Variants in LIFR observed in about 807,000 individuals in gnomAD.
LIFR encodes the protein LIF receptor subunit alpha, also known as leukemia inhibitory factor receptor.
A neutral mutation model predicts 122.2 loss-of-function variants in LIFR; 84 were observed. That is an observed-to-expected ratio of 0.69 (90% CI 0.58 to 0.82). The LOEUF is 0.82. LIFR is among the 40% of genes least tolerant of loss of function. The pLI is 0.00. For synonymous variants in LIFR, 422 were observed against 434.7 expected (o/e 0.97, Z 0.36); for missense variants, 1,294 against 1,311.6 (o/e 0.99, Z 0.21).
intron 1 of LIFR, among the ~76,000 whole-genome samples, chr5:38,572,235 G>A (rs1462503616): frequency 1.3e-5 from 2 of 152,058 alleles, no homozygotes; most frequent in South Asian, 4.1e-4. Context: ...GTGACCTTAG[G>A]AAGCTTCCAA....
chr5:38,510,212 A>C (rs1285317976), intron 7 of LIFR, among the ~76,000 whole-genome samples: 3 of 152,230 alleles, frequency 2.0e-5, no homozygotes, highest in Non-Finnish European at 4.4e-5. Context: ...AAACATTAGA[A>C]GCTAGATGTT....
Position 38,490,164 on chromosome 5 carries a change from TATA to T in LIFR, c.2167+23_2167+25del, listed in dbSNP as rs757530350. Reference sequence around the variant, plus strand: ...AATTTCTCATGTTGCCTTGAGCTCTTATAAATAAGTACCCATTTAACTTACCCA... The same window carrying T: ...AATTTCTCATGTTGCCTTGAGCTCTTAATAAGTACCCATTTAACTTACCCA... On this transcript the variant is annotated intron_variant, in intron 15 of 19. Coordinates refer to ENST00000453190, the MANE Select transcript of LIFR (RefSeq NM_001127671.2). 5 of 1,021,782 alleles carry T rather than the reference TATA, an allele frequency of 4.9e-6. No individual in the cohort carries two copies. In the South Asian group the frequency reaches 5.6e-5, roughly 12 times the overall value. The allele number at this position is 1,021,782 out of a possible 1,614,324, so 63.3% of individuals were successfully genotyped here.
chr5:38,587,292 A>T (rs193233220), intron 1 of LIFR, among the ~76,000 whole-genome samples: 2 of 152,270 alleles, frequency 1.3e-5, no homozygotes, highest in Admixed American at 1.3e-4. Context: ...CCTAACCTAG[A>T]CAGGGATGGG....
chr5:38,524,029 G>A lies in LIFR; in HGVS notation c.398-447C>T, dbSNP rs192449710. 4.5e-3 allele frequency among the ~76,000 whole-genome samples: 686 copies of A among 152,312 alleles called. 9 individuals carry two copies. The highest frequency in any genetic ancestry group is 3.6e-3 in the Non-Finnish European group (244 of 68,032). ...TTCCACAGTACTCTAGTGTCATTTA[G>A]TCAGGAACCTACAGGTAGGCAACAT... On this transcript the variant is annotated intron_variant, in intron 4 of 19. Transcript: ENST00000453190.
intron 2 of LIFR, 31 bp downstream of exon 2, chr5:38,530,475 T>C (rs753069660): frequency 2.5e-6 from 4 of 1,587,890 alleles, no homozygotes; most frequent in Non-Finnish European, 3.5e-6. Context: ...AACTGCAATC[T>C]GTTCATTCTC....
intron 11 of LIFR, among the ~76,000 whole-genome samples, chr5:38,502,312 C>T (rs112223604): frequency 1.3e-5 from 2 of 151,904 alleles, no homozygotes; most frequent in African/African-American, 4.8e-5. Context: ...GGCTGGAGTG[C>T]AATGGCGCAA....
rs142786409 is a variant in LIFR, at chr5:38,483,121, T to G, written c.2592-454A>C. On this transcript the variant is annotated intron_variant, in intron 18 of 19. Coordinates refer to ENST00000453190, the MANE Select transcript of LIFR (RefSeq NM_001127671.2). The stretch of plus-strand genomic sequence containing the variant: ...ACCAAAAACTAAATGCAGCCAAAAA[T>G]GAGATTTGCCTTTACCGAGGTGGTC... 6.0e-3 allele frequency among the ~76,000 whole-genome samples: 911 copies of G among 152,216 alleles called. 3 individuals are homozygous for G. The highest frequency in any genetic ancestry group is 0.02 in the African/African-American group (821 of 41,512).
At chr5:38,523,360 T>C in intron 5 of LIFR, 59 bp downstream of exon 5, 1 of 1,451,416 alleles carries the variant, frequency 6.9e-7, no homozygotes, top group South Asian at 1.2e-5. Context: ...TAAGGCTTCT[T>C]AAAAAAAATT....
chr5:38,530,458 G>A (rs368675060), intron 2 of LIFR, 48 bp downstream of exon 2: 127 of 1,543,036 alleles, frequency 8.2e-5, no homozygotes, highest in Non-Finnish European at 1.0e-4. Context: ...CATCAAAATG[G>A]AAATAAAACT....
At position 38,496,534 on chromosome 5, in the gene LIFR, T is replaced by C. The variant is rs1404200806; in HGVS notation, c.1733A>G (p.Asp578Gly). The change falls in exon 13 of 20, where the codon GAT (aspartate) becomes GGT (glycine). Residue 578 changes from aspartate (D) to glycine (G), a missense_variant. By Grantham distance (94) the Asp-to-Gly change is moderately conservative. Coordinates refer to ENST00000453190, the MANE Select transcript of LIFR (RefSeq NM_001127671.2). ...TTCAGAAAGGGACTGTGTTTCCTCA[T>C]CTGATGAACACGATACATTGTAGGA... is the stretch of plus-strand genomic sequence containing the variant. ...ILSYNVSCSS[D>G]EETQSLSEIP... is the part of the protein sequence containing the mutation. 6.2e-7 allele frequency: 1 copy of C among 1,613,808 alleles called. No homozygotes were observed. The highest frequency in any genetic ancestry group is 8.5e-7 in the Non-Finnish European group (1 of 1,179,802).
rs759618667 is a variant in LIFR at position 38,483,561 on chromosome 5, C to T, written c.2592-894G>A. On this transcript the variant is annotated intron_variant, in intron 18 of 19. Coordinates refer to ENST00000453190, the MANE Select transcript of LIFR (RefSeq NM_001127671.2). ...CTCAGCCTCCTAGCCTCCTAAGTAG[C>T]TGGGATTACAGGCACGTGCCACTAT... Among the ~76,000 whole-genome samples, 78 of 152,104 alleles carry T rather than the reference C, an allele frequency of 5.1e-4. 1 individual carries two copies. In the Middle Eastern group the frequency reaches 0.024, roughly 46 times the overall value.
chr5:38,526,139 G>A (rs1370182221), intron 4 of LIFR, among the ~76,000 whole-genome samples: 2 of 152,190 alleles, frequency 1.3e-5, no homozygotes, highest in African/African-American at 4.8e-5. Context: ...ACAGACATGT[G>A]AGGACAATGT....
chr5:38,517,808 G>C (rs994726693), intron 5 of LIFR, among the ~76,000 whole-genome samples: 1 of 119,062 alleles, frequency 8.4e-6, no homozygotes, highest in Admixed American at 1.2e-4. Flanking sequence ...AGTGAGCCGA[G>C]ATCATGCCAC....
chr5:38,483,430 T>G (rs1387933170), intron 18 of LIFR, among the ~76,000 whole-genome samples: 1 of 152,150 alleles, frequency 6.6e-6, no homozygotes, highest in Admixed American at 6.5e-5. Flanking sequence ...TTTTGTTTTT[T>G]TGGTTTTTTT....
chr5:38,569,005 C>T (rs372409689), intron 1 of LIFR, among the ~76,000 whole-genome samples: 26 of 152,290 alleles, frequency 1.7e-4, no homozygotes, highest in African/African-American at 6.3e-4. Flanking sequence ...TCATTGATGC[C>T]ACCATCCCAG....
chr5:38,514,323 A>G (rs2112508056), intron 5 of LIFR, among the ~76,000 whole-genome samples: 1 of 152,250 alleles, frequency 6.6e-6, no homozygotes, highest in East Asian at 1.9e-4. Context: ...TGTCCAGAAG[A>G]ACAGATAAAG....
At chr5:38,492,815 A>G (rs1253299971) in intron 14 of LIFR, among the ~76,000 whole-genome samples, 3 of 152,184 alleles carry the variant, frequency 2.0e-5, no homozygotes, top group African/African-American at 7.2e-5. Context: ...ACTACTGACA[A>G]GCTACAGGGT....
intron 10 of LIFR, 86 bp from the exon 11 acceptor site, chr5:38,502,885 T>C (rs1002024902): frequency 1.3e-6 from 1 of 758,846 alleles, no homozygotes; most frequent in Admixed American, 3.4e-5. Flanking sequence ...ATACACTTTT[T>C]TTTGGTAAGA....
intron 1 of LIFR, among the ~76,000 whole-genome samples, chr5:38,552,333 T>G (rs1488395432): frequency 2.6e-5 from 4 of 152,228 alleles, no homozygotes; most frequent in African/African-American, 9.6e-5. Flanking sequence ...TAAAACTCAT[T>G]TCCCAAGTTT....
Sources: allele counts gnomAD v4.1 joint callset (sites outside exome capture counted in the v4.1 genomes callset), GRCh38; gene constraint gnomAD v4.1.1; transcripts MANE v1.5; gene names NCBI Gene and HGNC (gene_info 2026-07-23, HGNC 2026-07-21).